Variants in TSHZ3 observed in about 807,000 individuals in gnomAD.
TSHZ3 encodes teashirt homolog 3.
TSHZ3 carries 10 observed loss-of-function variants against 64.5 expected under a neutral mutation model. That is an observed-to-expected ratio of 0.16 (90% CI 0.10 to 0.26). TSHZ3 has a LOEUF of 0.26. Among genes scored for constraint, TSHZ3 ranks in the 10% least tolerant of loss-of-function variants. The pLI is 1.00. For synonymous variants in TSHZ3, 608 were observed against 593.1 expected, an observed-to-expected ratio of 1.03 and a Z score of -0.36; for missense variants, 1,242 against 1,421.7, an observed-to-expected ratio of 0.87 and a Z score of 2.03.
At chr19:31,254,503 C>T (rs1451485573) in intron 1 of TSHZ3, among the ~76,000 whole-genome samples, 1 of 152,174 alleles carries the variant, frequency 6.6e-6, no homozygotes, top group African/African-American at 2.4e-5. Flanking sequence ...CGCTGTGGCT[C>T]GCCCTCTCTG....
At chr19:31,345,018 C>G (rs1917543407) in intron 1 of TSHZ3, among the ~76,000 whole-genome samples, 1 of 149,342 alleles carries the variant, frequency 6.7e-6, no homozygotes, top group Non-Finnish European at 1.5e-5. Context: ...CACTGAAGCC[C>G]TAACTGACAG....
chr19:31,232,276 G>C (rs75846140), intron 3 of TSHZ3, among the ~76,000 whole-genome samples: 2,186 of 152,132 alleles, frequency 0.014, 54 homozygotes, highest in African/African-American at 0.048. Flanking sequence ...ATGAGTAATT[G>C]CTGGCTGAAA....
chr19:31,339,914 A>G (rs1009105876), intron 1 of TSHZ3, among the ~76,000 whole-genome samples: 4 of 151,812 alleles, frequency 2.6e-5, no homozygotes, highest in Non-Finnish European at 4.4e-5. Context: ...TAAAAAAAAA[A>G]AAAGAAAGAA....
At position 31,279,828 on chromosome 19, in the gene TSHZ3, A is replaced by G. The variant is rs1976330870; in HGVS notation, c.41-76T>C. ...AGACAGGGAGAAGGAGAGAAAGAAAAAAAAAAGCATTAGTACTTGTTGATC... is the reference window on the plus strand; with the variant it reads ...AGACAGGGAGAAGGAGAGAAAGAAAGAAAAAAGCATTAGTACTTGTTGATC... On this transcript the variant is annotated intron_variant, in intron 1 of 1. Coordinates refer to ENST00000240587, the MANE Select transcript of TSHZ3 (RefSeq NM_020856.4). This position sits in a 1 kb window ranked among gnomAD's most constrained non-coding sequence, Gnocchi z 6.4. 2.2e-6 allele frequency: 3 copies of G among 1,345,702 alleles called. No individual in the cohort carries two copies. Among genetic ancestry groups the G allele is most frequent in the African/African-American group, 2.9e-5 (2 of 69,032 alleles). 83.4% of individuals were successfully genotyped at this position (1,345,702 alleles called of 1,614,324 possible). A position where few individuals can be genotyped will look rare whatever the true frequency, so the allele number is the denominator to read the frequency against.
chr19:31,189,700 A>G (rs1426128564), intron 5 of TSHZ3, among the ~76,000 whole-genome samples: 1 of 152,072 alleles, frequency 6.6e-6, no homozygotes, highest in Non-Finnish European at 1.5e-5. Context: ...AAAAATGTGT[A>G]TTATAAAGTT....
intron 1 of TSHZ3, among the ~76,000 whole-genome samples, chr19:31,329,062 C>T (rs1222642524): frequency 6.6e-6 from 1 of 152,190 alleles, no homozygotes; most frequent in Non-Finnish European, 1.5e-5. Context: ...ATGAAATGCT[C>T]ACATTTCATC....
rs529475200 is a variant in TSHZ3 at position 31,163,584 on chromosome 19, A to C, written n.810-7167T>G. On this transcript the variant is annotated intron_variant and non_coding_transcript_variant, in intron 5 of 6. Coordinates refer to the TSHZ3 transcript ENST00000651361. ...CACCTCTACTAAAAACACAAAAACTATCCAGGCCTGGTCGCGCTTGCCTGT... is the reference window on the plus strand; with the variant it reads ...CACCTCTACTAAAAACACAAAAACTCTCCAGGCCTGGTCGCGCTTGCCTGT... 2.5e-3 allele frequency among the ~76,000 whole-genome samples: 381 copies of C among 152,204 alleles called. 2 individuals are homozygous for C. Among genetic ancestry groups the C allele is most frequent in the African/African-American group, 9.1e-3 (376 of 41,520 alleles).
chr19:31,257,816 C>G (rs1312106320), intron 1 of TSHZ3, among the ~76,000 whole-genome samples: 1 of 152,164 alleles, frequency 6.6e-6, no homozygotes, highest in Non-Finnish European at 1.5e-5. Flanking sequence ...AGGCTTGAGT[C>G]TGAGAGTTCT....
chr19:31,150,760 C>A (rs933337382), exon 7 of TSHZ3, among the ~76,000 whole-genome samples: 49 of 152,118 alleles, frequency 3.2e-4, no homozygotes, highest in African/African-American at 1.1e-3. Context: ...AGTTCTGAAG[C>A]AAGGAATGGG....
intron 1 of TSHZ3, among the ~76,000 whole-genome samples, chr19:31,340,358 A>AAAAAAAAC (rs1917394103): frequency 6.7e-6 from 1 of 149,752 alleles, no homozygotes; most frequent in African/African-American, 2.4e-5. Flanking sequence ...AAAAAAAAAA[A>AAAAAAAAC]AAAAAACCAC....
chr19:31,182,661 C>T (rs575994151), intron 5 of TSHZ3, among the ~76,000 whole-genome samples: 4 of 152,262 alleles, frequency 2.6e-5, no homozygotes, highest in African/African-American at 9.6e-5. Context: ...CTCAACTTTC[C>T]CTTTAGAATG....
intron 5 of TSHZ3, among the ~76,000 whole-genome samples, chr19:31,194,771 G>C (rs188067062): frequency 4.3e-4 from 66 of 152,326 alleles, no homozygotes; most frequent in African/African-American, 1.5e-3. Context: ...AGAAATGTTG[G>C]AATGATCAGA....
intron 1 of TSHZ3, among the ~76,000 whole-genome samples, chr19:31,297,290 G>A (rs974696059): frequency 6.6e-6 from 1 of 152,204 alleles, no homozygotes; most frequent in African/African-American, 2.4e-5. Flanking sequence ...ACTACTCGGG[G>A]TAGGCGTCTG....
chr19:31,300,887 C>T lies in TSHZ3; in HGVS notation c.41-21135G>A, dbSNP rs16965412. Among the ~76,000 whole-genome samples, 181 of 152,168 alleles carry T rather than the reference C, an allele frequency of 1.2e-3. 4 individuals are homozygous for T. In the East Asian group the frequency reaches 0.029, roughly 25 times the overall value. ...GTCAGGAAGAAAGTCCTACTGATTG[C>T]GGAGCACTGACAATACCGTGCGCCT... On this transcript the variant is annotated intron_variant, in intron 1 of 1. Coordinates refer to ENST00000240587, the MANE Select transcript of TSHZ3 (RefSeq NM_020856.4).
chr19:31,184,070 G>A (rs1429577800), intron 5 of TSHZ3, among the ~76,000 whole-genome samples: 1 of 152,112 alleles, frequency 6.6e-6, no homozygotes, highest in Non-Finnish European at 1.5e-5. Context: ...GTCATAAAGG[G>A]CACATTCAAA....
At position 31,275,849 on chromosome 19, in the gene TSHZ3, G is replaced by A. The variant is rs1270803337; in HGVS notation, c.*698C>T. 2 of 152,486 alleles carry A rather than the reference G, an allele frequency of 1.3e-5. No individual in the cohort carries two copies. The highest frequency in any genetic ancestry group is 2.9e-5 in the Non-Finnish European group (2 of 68,024). 9.4% of individuals were successfully genotyped at this position (152,486 alleles called of 1,614,324 possible). A position where few individuals can be genotyped will look rare whatever the true frequency, so the allele number is the denominator to read the frequency against. On this transcript the variant is annotated 3_prime_UTR_variant, in exon 2 of 2. Transcript: ENST00000240587. ...TACACTATACATAGGCACAGCTTAT[G>A]CCCAGAGCATAGCAGGTGCATAAAA...
At chr19:31,320,311 T>C (rs1916729786) in intron 1 of TSHZ3, among the ~76,000 whole-genome samples, 1 of 152,202 alleles carries the variant, frequency 6.6e-6, no homozygotes, top group Non-Finnish European at 1.5e-5. Context: ...AGACGGATCC[T>C]GGACGTAGTC....
At chr19:31,194,319 A>C (rs1239300134) in intron 5 of TSHZ3, among the ~76,000 whole-genome samples, 1 of 152,184 alleles carries the variant, frequency 6.6e-6, no homozygotes, top group Non-Finnish European at 1.5e-5. Context: ...AGGAGGTGAA[A>C]AACATCTAAG....
At chr19:31,155,239 C>G (rs571656377) in intron 6 of TSHZ3, among the ~76,000 whole-genome samples, 30 of 152,318 alleles carry the variant, frequency 2.0e-4, no homozygotes, top group African/African-American at 7.0e-4. Context: ...GTTACTTGGA[C>G]AAGGAATATT....
Sources: allele counts gnomAD v4.1 joint callset (sites outside exome capture counted in the v4.1 genomes callset), GRCh38; gene constraint gnomAD v4.1.1; non-coding constraint Gnocchi (gnomAD v3.1); transcripts MANE v1.5; gene names NCBI Gene and HGNC (gene_info 2026-07-23, HGNC 2026-07-21).